ST3GAL5: variants seen among roughly 807,000 people sequenced by gnomAD.
The protein encoded by ST3GAL5 is ST3 beta-galactoside alpha-2,3-sialyltransferase 5.
Under a neutral mutation model 46.1 loss-of-function variants are expected in ST3GAL5, and 25 were observed. The observed-to-expected ratio is 0.54, with a 90% CI of 0.40 to 0.76. ST3GAL5 has a LOEUF of 0.76. Ranked by LOEUF, ST3GAL5 falls within the 30% of genes least tolerant of loss-of-function variation. The pLI is 0.00. For synonymous variants in ST3GAL5, 182 were observed against 192.7 expected, an observed-to-expected ratio of 0.94 and a Z score of 0.46; for missense variants, 431 against 521.2, an observed-to-expected ratio of 0.83 and a Z score of 1.69.
At position 85,840,964 on chromosome 2, in the gene ST3GAL5, AAAG is replaced by A. The variant is rs1229566144; in HGVS notation, c.1009-575_1009-573del. 2.2e-3 allele frequency among the ~76,000 whole-genome samples: 330 copies of A among 149,756 alleles called. 3 individuals carry two copies. Among genetic ancestry groups the A allele is most frequent in the African/African-American group, 7.7e-3 (312 of 40,610 alleles). ...TCTCAAAAAAAAAAAAAAAAAAAAA[AAAG>A]GCATTCCTTCTAAAATGTCTACCCC... On this transcript the variant is annotated intron_variant, in intron 6 of 6. Transcript: ENST00000638572.
chr2:85,869,930 C>G (rs1685731802), intron 1 of ST3GAL5: 1 of 274,922 alleles, frequency 3.6e-6, no homozygotes, highest in Admixed American at 4.0e-5. Context: ...CTGAAGCCAC[C>G]CAGCCAATGG....
Position 85,888,889 on chromosome 2 carries a change from G to A in ST3GAL5, c.17C>T (p.Ala6Val). 5 of 1,372,438 alleles carry A rather than the reference G, an allele frequency of 3.6e-6. No individual in the cohort carries two copies. The highest frequency in any genetic ancestry group is 4.7e-6 in the Non-Finnish European group (5 of 1,055,820). The allele number at this position is 1,372,438 out of a possible 1,614,324, so 85.0% of individuals were successfully genotyped here. A position where few individuals can be genotyped will look rare whatever the true frequency, so the allele number is the denominator to read the frequency against. The change falls in exon 1 of 7, where the codon GCG becomes GTG. Residue 6 changes from alanine to valine, a missense_variant. By Grantham distance (64) the Ala-to-Val change is moderately conservative. Transcript: ENST00000638572. Reference sequence around the variant, plus strand: ...CAGGGGACGCCGCTCCGCGCAGCCCGCCGCCTTCGTCCGCATACTAATGAG... The same window carrying A: ...CAGGGGACGCCGCTCCGCGCAGCCCACCGCCTTCGTCCGCATACTAATGAG... MRTKA[A>V]GCAERRPLQP...
In ST3GAL5 at chr2:85,838,023, A is replaced by G. The variant is rs1016179050; in HGVS notation, c.*2121T>C. 1 of 152,330 alleles carries G rather than the reference A, an allele frequency of 6.6e-6. No individual in the cohort carries two copies. Among genetic ancestry groups the G allele is most frequent in the African/African-American group, 2.4e-5 (1 of 41,444 alleles). The allele number at this position is 152,330 out of a possible 1,614,324, so 9.4% of individuals were successfully genotyped here. Reference sequence around the variant, plus strand: ...CTCTGAAGTGAAGATGCAACTTCCAACAAATGAATGCCAAAGTGTGAAAAG... The same window carrying G: ...CTCTGAAGTGAAGATGCAACTTCCAGCAAATGAATGCCAAAGTGTGAAAAG... On this transcript the variant is annotated 3_prime_UTR_variant, in exon 7 of 7. Transcript: ENST00000638572.
intron 1 of ST3GAL5, among the ~76,000 whole-genome samples, chr2:85,877,936 A>G (rs1226220770): frequency 1.3e-5 from 2 of 152,206 alleles, no homozygotes; most frequent in African/African-American, 4.8e-5. Flanking sequence ...AGTTGGGAGT[A>G]TGGTAATTTC....
At chr2:85,863,530 GAGTT>G in intron 1 of ST3GAL5, 45 bp from the exon 2 acceptor site, 1 of 1,606,066 alleles carries the variant, frequency 6.2e-7, no homozygotes, top group Non-Finnish European at 8.5e-7. Context: ...AGAGAGGAGA[GAGTT>G]AGGAGGATGG....
rs111773667 is a variant in ST3GAL5, at chr2:85,839,901, G to C, written c.*243C>G. The C allele has an allele frequency of 1.9e-3, 1,068 of 557,422 alleles. 8 individuals carry two copies. Among genetic ancestry groups the C allele is most frequent in the African/African-American group, 0.017 (893 of 53,112 alleles). 34.5% of individuals were successfully genotyped at this position (557,422 alleles called of 1,614,324 possible). A position where few individuals can be genotyped will look rare whatever the true frequency, so the allele number is the denominator to read the frequency against. ...CATCGTTACATACAATTCTCTTTGAGAAGTCTTTCCAATTCAATTCTTAAG... is the reference window on the plus strand; with the variant it reads ...CATCGTTACATACAATTCTCTTTGACAAGTCTTTCCAATTCAATTCTTAAG... On this transcript the variant is annotated 3_prime_UTR_variant, in exon 7 of 7. Coordinates refer to ENST00000638572, the MANE Select transcript of ST3GAL5 (RefSeq NM_003896.4).
chr2:85,851,415 T>C (rs532037734), intron 3 of ST3GAL5: 15 of 1,199,926 alleles, frequency 1.3e-5, no homozygotes, highest in Non-Finnish European at 1.5e-5. Context: ...ACTGATTGCC[T>C]GGAGACAGGG....
At chr2:85,883,697 C>A (rs897768460) in intron 1 of ST3GAL5, among the ~76,000 whole-genome samples, 1 of 152,176 alleles carries the variant, frequency 6.6e-6, no homozygotes, top group Admixed American at 6.5e-5. Flanking sequence ...GGGCACAGCA[C>A]CCTGAGACGC....
intron 2 of ST3GAL5, among the ~76,000 whole-genome samples, chr2:85,861,893 T>C (rs1442760674): frequency 6.6e-6 from 1 of 152,006 alleles, no homozygotes; most frequent in Non-Finnish European, 1.5e-5. Flanking sequence ...ATCTCATTTT[T>C]ACTAAGTTCT....
At chr2:85,840,532 T>G (rs1370485176) in intron 6 of ST3GAL5, 140 bp from the exon 7 acceptor site, 1 of 902,360 alleles carries the variant, frequency 1.1e-6, no homozygotes. Context: ...ATTTTATACA[T>G]CATGAACTTT....
At position 85,847,869 on chromosome 2, in the gene ST3GAL5, A is replaced by C; in HGVS notation, c.654T>G (p.Val218=). 2 of 1,613,960 alleles carry C rather than the reference A, an allele frequency of 1.2e-6. No individual in the cohort carries two copies. The highest frequency in any genetic ancestry group is 1.7e-6 in the Non-Finnish European group (2 of 1,180,018). Residue 218 remains valine, a synonymous_variant, in exon 4 of 7, where the codon GTT becomes GTG. Coordinates refer to ENST00000638572, the MANE Select transcript of ST3GAL5 (RefSeq NM_003896.4). ...AAAAAAAACCAATGTACCTTATCAC[A>C]ACATCGAACTGGTTCAGGGTGTGGC... ...ELGHTLNQFD[V]VIRLNSAPVE...
rs549765882 is a variant in ST3GAL5, at chr2:85,860,361, A to G, written c.318+820T>C. Among the ~76,000 whole-genome samples the G allele has an allele frequency of 2.6e-5, 4 of 152,316 alleles. No individual in the cohort carries two copies. The South Asian group carries it at 8.3e-4, about 32-fold the overall frequency. On this transcript the variant is annotated intron_variant, in intron 3 of 6. Transcript: ENST00000638572. ...TATATATAAAGCATCCATACATGTC[A>G]GTTATCATCCCTCTCATGCTACTTT...
intron 1 of ST3GAL5, among the ~76,000 whole-genome samples, chr2:85,882,841 A>AAAAAAAAG (rs1687321121): frequency 6.6e-6 from 1 of 151,626 alleles, no homozygotes; most frequent in Non-Finnish European, 1.5e-5. Flanking sequence ...TCTCAAAAAA[A>AAAAAAAAG]AAAAAAAATT....
chr2:85,851,766 C>T, intron 3 of ST3GAL5: 1 of 1,277,536 alleles, frequency 7.8e-7, no homozygotes, highest in Non-Finnish European at 1.0e-6. Context: ...CCAGGAAGGC[C>T]TCAGAGGCGT....
At chr2:85,876,405 A>G (rs1171874194) in intron 1 of ST3GAL5, among the ~76,000 whole-genome samples, 1 of 151,586 alleles carries the variant, frequency 6.6e-6, no homozygotes, top group Non-Finnish European at 1.5e-5. Flanking sequence ...CTTCAGGTTC[A>G]GCAAAGCCAC....
chr2:85,845,299 G>A (rs969456559), intron 5 of ST3GAL5: 27 of 153,096 alleles, frequency 1.8e-4, no homozygotes, highest in African/African-American at 6.5e-4. Context: ...TCCAACAAGG[G>A]AACCACTGAC....
At chr2:85,844,783 A>G (rs143240392) in intron 5 of ST3GAL5, 141 of 589,890 alleles carry the variant, frequency 2.4e-4, no homozygotes, top group Non-Finnish European at 3.9e-4. Context: ...AAAGAGATGA[A>G]TTGCAGAACC....
intron 1 of ST3GAL5, among the ~76,000 whole-genome samples, chr2:85,864,092 G>A (rs1201292833): frequency 6.6e-6 from 1 of 152,144 alleles, no homozygotes; most frequent in Non-Finnish European, 1.5e-5. Flanking sequence ...GAGGTAGATA[G>A]GTAGATATGG....
intron 1 of ST3GAL5, among the ~76,000 whole-genome samples, chr2:85,866,884 T>G (rs1219968877): frequency 6.6e-6 from 1 of 152,260 alleles, no homozygotes; most frequent in Non-Finnish European, 1.5e-5. Flanking sequence ...CATTACATGT[T>G]TGTAGCCTGT....
Sources: gnomAD v4.1 joint callset for allele counts (sites outside exome capture counted in the v4.1 genomes callset) on GRCh38, gnomAD v4.1.1 for gene constraint, MANE v1.5 for transcripts, NCBI Gene and HGNC (gene_info 2026-07-23, HGNC 2026-07-21) for gene names.